Variants in WDR70 observed in about 807,000 individuals in gnomAD.
WDR70 encodes the protein WD repeat-containing protein 70.
A neutral mutation model predicts 88.6 loss-of-function variants in WDR70; 53 were observed. The observed-to-expected ratio is 0.60, with a 90% CI of 0.48 to 0.75. WDR70 has a LOEUF of 0.75. Among genes scored for constraint, WDR70 ranks in the 30% least tolerant of loss-of-function variants. The pLI is 0.00. For synonymous variants in WDR70, 280 were observed against 270.0 expected (o/e 1.04, Z -0.36); for missense variants, 610 against 823.2 (o/e 0.74, Z 3.17).
intron 11 of WDR70, among the ~76,000 whole-genome samples, 177 bp from the exon 12 acceptor site, chr5:37,700,881 A>G (rs1198905118): frequency 6.6e-6 from 1 of 152,174 alleles, no homozygotes; most frequent in Non-Finnish European, 1.5e-5. Flanking sequence ...TAAAAAAGTA[A>G]AACATGCTTG....
chr5:37,682,513 G>A (rs1475235773), intron 10 of WDR70, among the ~76,000 whole-genome samples: 1 of 126,482 alleles, frequency 7.9e-6, no homozygotes, highest in Non-Finnish European at 1.9e-5. Flanking sequence ...TAGTTGTAAT[G>A]TTAGGTTGTT....
intron 10 of WDR70, among the ~76,000 whole-genome samples, chr5:37,619,529 A>G (rs1300735988): frequency 6.6e-6 from 1 of 152,228 alleles, no homozygotes; most frequent in Non-Finnish European, 1.5e-5. Context: ...TAAACAAAAT[A>G]GTAAATGTTA....
intron 10 of WDR70, among the ~76,000 whole-genome samples, chr5:37,646,846 T>A (rs1382985890): frequency 6.6e-6 from 1 of 152,200 alleles, no homozygotes; most frequent in East Asian, 1.9e-4. Context: ...GCTCTTTTTT[T>A]AGGTTAAATC....
intron 17 of WDR70, among the ~76,000 whole-genome samples, chr5:37,751,973 T>TTA (rs1748827360): frequency 6.6e-6 from 1 of 152,234 alleles, no homozygotes; most frequent in South Asian, 2.1e-4. Context: ...TCTTTGGTTT[T>TTA]TATTTTTGCA....
chr5:37,751,726 G>A (rs1206900373), intron 17 of WDR70, among the ~76,000 whole-genome samples: 2 of 152,180 alleles, frequency 1.3e-5, no homozygotes, highest in African/African-American at 4.8e-5. Context: ...AATCAGAGTA[G>A]CATGACCAAA....
At chr5:37,381,126 A>G (rs1748411680) in intron 2 of WDR70, among the ~76,000 whole-genome samples, 1 of 152,144 alleles carries the variant, frequency 6.6e-6, no homozygotes, top group African/African-American at 2.4e-5. Context: ...TTAGCTCCTT[A>G]AAGTACCTGC....
In WDR70 at chr5:37,390,758, C is replaced by G. The variant is rs548517943; in HGVS notation, c.176-1242C>G. Reference sequence around the variant, plus strand: ...TGAGATGATGTTTTGCTTTTGCTGCCCAGGCTGGAGTGCAATGGCGCAATC... The same window carrying G: ...TGAGATGATGTTTTGCTTTTGCTGCGCAGGCTGGAGTGCAATGGCGCAATC... On this transcript the variant is annotated intron_variant, in intron 3 of 17. Transcript: ENST00000265107. Among the ~76,000 whole-genome samples, 3 of 150,240 alleles carry G rather than the reference C, an allele frequency of 2.0e-5. No individual in the cohort carries two copies. The South Asian group carries it at 6.3e-4, about 31-fold the overall frequency.
chr5:37,447,890 A>T (rs1738552622), intron 7 of WDR70, among the ~76,000 whole-genome samples: 1 of 152,234 alleles, frequency 6.6e-6, no homozygotes, highest in South Asian at 2.1e-4. Flanking sequence ...TACATATGTA[A>T]CAAACCTGCA....
chr5:37,457,288 G>A (rs1218509138), intron 7 of WDR70, among the ~76,000 whole-genome samples: 3 of 152,236 alleles, frequency 2.0e-5, no homozygotes, highest in Non-Finnish European at 2.9e-5. Flanking sequence ...TAGAGATAGG[G>A]TTTCACCATG....
chr5:37,385,171 C>G (rs1748569568), intron 3 of WDR70, among the ~76,000 whole-genome samples: 1 of 152,200 alleles, frequency 6.6e-6, no homozygotes, highest in East Asian at 1.9e-4. Flanking sequence ...GGTGCACCAA[C>G]TCCCCAGCAT....
intron 17 of WDR70, among the ~76,000 whole-genome samples, chr5:37,747,130 A>C (rs1748658645): frequency 2.0e-5 from 3 of 152,216 alleles, no homozygotes; most frequent in Admixed American, 6.5e-5. Flanking sequence ...GTAAATCAAT[A>C]AACATAATCC....
At chr5:37,659,707 A>G (rs1246169559) in intron 10 of WDR70, among the ~76,000 whole-genome samples, 1 of 152,166 alleles carries the variant, frequency 6.6e-6, no homozygotes, top group Non-Finnish European at 1.5e-5. Context: ...TCTAGCTTGC[A>G]GAGGGCTTCC....
At chr5:37,655,026 A>G (rs919608991) in intron 10 of WDR70, among the ~76,000 whole-genome samples, 1 of 152,178 alleles carries the variant, frequency 6.6e-6, no homozygotes, top group Admixed American at 6.5e-5. Context: ...TAATTGATAC[A>G]GTTTCTTCAT....
At chr5:37,640,875 G>A (rs1745083967) in intron 10 of WDR70, among the ~76,000 whole-genome samples, 1 of 152,180 alleles carries the variant, frequency 6.6e-6, no homozygotes, top group South Asian at 2.1e-4. Flanking sequence ...TAAAATTGAG[G>A]TTTGGGTAGC....
intron 10 of WDR70, among the ~76,000 whole-genome samples, chr5:37,654,113 A>G (rs1265166944): frequency 1.3e-5 from 2 of 152,062 alleles, no homozygotes; most frequent in African/African-American, 4.8e-5. Context: ...ATGCTGCTTT[A>G]GTTGTGTCCC....
In WDR70 at chr5:37,703,035, T is replaced by C. The variant is rs1461855854; in HGVS notation, c.1364T>C (p.Phe455Ser). 1 of 1,614,028 alleles carries C rather than the reference T, an allele frequency of 6.2e-7. No individual in the cohort carries two copies. Among genetic ancestry groups the C allele is most frequent in the South Asian group, 1.1e-5 (1 of 91,066 alleles). ...GGATGTGGCAGCGGCAAACTTGTTT[T>C]CTTTGAGCGTAGGACTTTCCAAAGG... Reference protein sequence around the residue: ...QRGCGSGKLVFFERRTFQRVY... With the variant: ...QRGCGSGKLVSFERRTFQRVY... The change falls in exon 13 of 18, where the codon TTC (phenylalanine) becomes TCC (serine). Residue 455 changes from phenylalanine (F) to serine (S), a missense_variant. Coordinates refer to ENST00000265107, the MANE Select transcript of WDR70 (RefSeq NM_018034.4).
intron 5 of WDR70, among the ~76,000 whole-genome samples, chr5:37,403,638 A>G (rs1368704879): frequency 6.6e-6 from 1 of 152,248 alleles, no homozygotes; most frequent in African/African-American, 2.4e-5. Context: ...GTGGCTAGAT[A>G]TTTTAGCAAA....
intron 10 of WDR70, among the ~76,000 whole-genome samples, chr5:37,658,043 A>T (rs546130696): frequency 6.6e-6 from 1 of 151,050 alleles, no homozygotes; most frequent in East Asian, 2.3e-4. Context: ...GAAGTAAAGT[A>T]AGTAAAGTAA....
At chr5:37,636,893 T>C (rs1417159354) in intron 10 of WDR70, among the ~76,000 whole-genome samples, 1 of 152,146 alleles carries the variant, frequency 6.6e-6, no homozygotes, top group Non-Finnish European at 1.5e-5. Context: ...TGGAATGAGG[T>C]CTGTAGATTA....
Sources: gnomAD v4.1 joint callset for allele counts (sites outside exome capture counted in the v4.1 genomes callset) on GRCh38, gnomAD v4.1.1 for gene constraint, MANE v1.5 for transcripts, NCBI Gene and HGNC (gene_info 2026-07-23, HGNC 2026-07-21) for gene names.